GPM6A: variants seen among roughly 807,000 people sequenced by gnomAD.
The protein encoded by GPM6A is neuronal membrane glycoprotein M6-a.
A neutral mutation model predicts 32.1 loss-of-function variants in GPM6A; 7 were observed. The ratio of observed to expected loss-of-function variants is 0.22; its 90% CI spans 0.12 to 0.41. The LOEUF (loss-of-function observed/expected upper bound fraction) is 0.41, where lower values mean the gene tolerates loss of function less well. Ranked by LOEUF, GPM6A falls within the 10% of genes least tolerant of loss-of-function variation. GPM6A has a pLI of 1.00. For missense variants in GPM6A, 235 were observed against 347.2 expected (o/e 0.68, Z 2.57); for synonymous variants, 130 against 123.4 (o/e 1.05, Z -0.35).
intron 3 of GPM6A, among the ~76,000 whole-genome samples, chr4:175,658,502 G>A (rs186804652): frequency 9.2e-5 from 14 of 152,260 alleles, no homozygotes; most frequent in African/African-American, 2.9e-4. Flanking sequence ...TGGTGGATAC[G>A]TGTCATTATA....
intron 1 of GPM6A, among the ~76,000 whole-genome samples, chr4:175,981,873 G>A (rs928830885): frequency 1.3e-5 from 2 of 152,054 alleles, no homozygotes; most frequent in African/African-American, 4.8e-5. Flanking sequence ...GCTGTCCACT[G>A]TCAGGACTTG....
chr4:175,980,374 CA>C (rs1455692919), intron 1 of GPM6A, among the ~76,000 whole-genome samples: 1 of 152,176 alleles, frequency 6.6e-6, no homozygotes, highest in Non-Finnish European at 1.5e-5. Context: ...CAAAACAAAA[CA>C]AAAACCTTGA....
chr4:175,728,300 T>C lies in GPM6A; in HGVS notation c.38-26533A>G, dbSNP rs571697886. ...AAAAACACAAACTAAAAATGATCCA[T>C]CACCAAATAAAATTTAAAAATTAAA... On this transcript the variant is annotated intron_variant, in intron 1 of 6. Coordinates refer to ENST00000393658, the MANE Select transcript of GPM6A (RefSeq NM_201591.3). Among the ~76,000 whole-genome samples, 6 of 152,070 alleles carry C rather than the reference T, an allele frequency of 3.9e-5. No homozygotes were observed. The East Asian group carries it at 1.2e-3, about 29-fold the overall frequency.
At chr4:175,695,423 T>TG (rs907225964) in intron 2 of GPM6A, among the ~76,000 whole-genome samples, 9 of 152,218 alleles carry the variant, frequency 5.9e-5, no homozygotes, top group Non-Finnish European at 1.2e-4. Context: ...TCCCAAAGCC[T>TG]GGGGGGGCCC....
intron 1 of GPM6A, among the ~76,000 whole-genome samples, chr4:175,973,867 T>A (rs958118338): frequency 2.0e-5 from 3 of 152,138 alleles, no homozygotes; most frequent in Non-Finnish European, 4.4e-5. Flanking sequence ...TTATGCTGAC[T>A]TTTTTTTCAC....
At chr4:175,700,121 C>T (rs754624003) in intron 2 of GPM6A, among the ~76,000 whole-genome samples, 15 of 152,004 alleles carry the variant, frequency 9.9e-5, no homozygotes, top group Admixed American at 2.0e-4. Context: ...CCTCAGCCTC[C>T]CAAAGTGCTG....
intron 1 of GPM6A, among the ~76,000 whole-genome samples, chr4:175,756,394 G>T (rs1179358129): frequency 6.6e-6 from 1 of 152,112 alleles, no homozygotes; most frequent in Non-Finnish European, 1.5e-5. Flanking sequence ...CTGTAGCAAT[G>T]GCGAGGCAGA....
intron 1 of GPM6A, among the ~76,000 whole-genome samples, chr4:175,857,673 A>G (rs985017930): frequency 5.9e-5 from 9 of 152,234 alleles, no homozygotes; most frequent in Middle Eastern, 6.8e-3. Context: ...TGTTGTTTTT[A>G]GAAACTCTCT....
At chr4:175,717,660 G>A (rs1197389305) in intron 1 of GPM6A, among the ~76,000 whole-genome samples, 1 of 152,206 alleles carries the variant, frequency 6.6e-6, no homozygotes, top group Non-Finnish European at 1.5e-5. Flanking sequence ...AATTAAAGAA[G>A]AGAGGACCAG....
chr4:175,960,559 A>G (rs1425075901), intron 1 of GPM6A, among the ~76,000 whole-genome samples: 1 of 152,162 alleles, frequency 6.6e-6, no homozygotes, highest in Non-Finnish European at 1.5e-5. Context: ...CGCCAGATCC[A>G]TTAGCTATTT....
intron 1 of GPM6A, among the ~76,000 whole-genome samples, chr4:175,930,426 G>GC (rs1242401253): frequency 1.3e-5 from 1 of 74,332 alleles, no homozygotes; most frequent in East Asian, 7.0e-4. Flanking sequence ...TCTGTTTTTT[G>GC]GGGGGGGGTT....
chr4:175,663,425 CAGTT>C (rs1262855641), intron 3 of GPM6A, among the ~76,000 whole-genome samples: 1 of 152,096 alleles, frequency 6.6e-6, no homozygotes, highest in Non-Finnish European at 1.5e-5. Context: ...CACAAGGTTT[CAGTT>C]AGAAGGAATA....
chr4:175,810,951 C>T (rs1734894088), intron 1 of GPM6A, among the ~76,000 whole-genome samples: 2 of 152,022 alleles, frequency 1.3e-5, no homozygotes, highest in South Asian at 4.2e-4. Flanking sequence ...TACAGATTAT[C>T]ATGAATAAGG....
chr4:175,730,732 C>T (rs1490397966), intron 1 of GPM6A, among the ~76,000 whole-genome samples: 3 of 152,102 alleles, frequency 2.0e-5, no homozygotes, highest in Non-Finnish European at 4.4e-5. Flanking sequence ...CCTCGGCCTC[C>T]CAAAGTGCTG....
intron 1 of GPM6A, among the ~76,000 whole-genome samples, chr4:175,906,213 T>C (rs13146622): frequency 0.66 from 99,715 of 152,044 alleles, 38,574 homozygotes; most frequent in Non-Finnish European, 0.86. Flanking sequence ...GGGTGAAAGA[T>C]AGAAAGTCAT....
intron 1 of GPM6A, among the ~76,000 whole-genome samples, chr4:175,826,766 C>T (rs1464550211): frequency 6.6e-6 from 1 of 151,966 alleles, no homozygotes; most frequent in African/African-American, 2.4e-5. Context: ...AACCAGCATG[C>T]CCATGTATAC....
At chr4:175,843,519 C>A (rs530733465) in intron 1 of GPM6A, among the ~76,000 whole-genome samples, 15 of 152,138 alleles carry the variant, frequency 9.9e-5, no homozygotes, top group Admixed American at 2.0e-4. Context: ...TGTTTCAACA[C>A]ATTTATTCAG....
chr4:175,963,908 T>C (rs987470344), intron 1 of GPM6A, among the ~76,000 whole-genome samples: 13 of 152,050 alleles, frequency 8.5e-5, no homozygotes, highest in African/African-American at 2.9e-4. Flanking sequence ...TCTGTGGTAA[T>C]ATAGTATTGC....
At chr4:175,900,855 A>G (rs980130129) in intron 1 of GPM6A, among the ~76,000 whole-genome samples, 3 of 152,214 alleles carry the variant, frequency 2.0e-5, no homozygotes, top group African/African-American at 7.2e-5. Context: ...ACAATAGCTA[A>G]GATTTGGAAG....
Sources: gnomAD v4.1 joint callset for allele counts (sites outside exome capture counted in the v4.1 genomes callset) on GRCh38, gnomAD v4.1.1 for gene constraint, MANE v1.5 for transcripts, NCBI Gene and HGNC (gene_info 2026-07-23, HGNC 2026-07-21) for gene names.